CCDC146: variants seen among roughly 807,000 people sequenced by gnomAD.
The protein encoded by CCDC146 is coiled-coil domain containing 146.
A neutral mutation model predicts 119.3 loss-of-function variants in CCDC146; 92 were observed. The ratio of observed to expected loss-of-function variants is 0.77; its 90% CI spans 0.65 to 0.92. CCDC146 has a LOEUF of 0.92. Among genes scored for constraint, CCDC146 ranks in the 40% least tolerant of loss-of-function variants. The probability of loss-of-function intolerance (pLI) is 0.00; values close to 1 mark genes in which losing one functional copy is unlikely to be tolerated. For missense variants in CCDC146, 1,000 were observed against 1,103.0 expected, an observed-to-expected ratio of 0.91 and a Z score of 1.32; for synonymous variants, 372 against 371.8, an observed-to-expected ratio of 1.00 and a Z score of -0.01.
intron 1 of CCDC146, among the ~76,000 whole-genome samples, chr7:77,130,799 G>C (rs892616020): frequency 4.7e-5 from 7 of 149,960 alleles, no homozygotes; most frequent in African/African-American, 1.7e-4. Flanking sequence ...GGGTTTCACC[G>C]TGTTAGCCAG....
At chr7:77,279,281 A>G (rs1793718027) in intron 13 of CCDC146, among the ~76,000 whole-genome samples, 180 bp downstream of exon 13, 1 of 152,144 alleles carries the variant, frequency 6.6e-6, no homozygotes, top group South Asian at 2.1e-4. Context: ...TAATAAAAAT[A>G]AAAAATAAAA....
chr7:77,171,880 T>G (rs1005251495), intron 2 of CCDC146, among the ~76,000 whole-genome samples: 1 of 152,216 alleles, frequency 6.6e-6, no homozygotes, highest in African/African-American at 2.4e-5. Flanking sequence ...TTAAAGAACT[T>G]AGGACAACTT....
intron 2 of CCDC146, among the ~76,000 whole-genome samples, chr7:77,192,028 G>A (rs925546138): frequency 2.6e-5 from 4 of 151,732 alleles, no homozygotes; most frequent in African/African-American, 9.7e-5. Flanking sequence ...CCAGGTTCAA[G>A]CAATTCTCCT....
intron 2 of CCDC146, among the ~76,000 whole-genome samples, chr7:77,219,260 T>C (rs1411477061): frequency 3.3e-5 from 5 of 152,224 alleles, no homozygotes; most frequent in Admixed American, 6.5e-5. Context: ...ATCTATTTTT[T>C]AAACTTAAAA....
chr7:77,136,482 GAATACTATGA>G (rs1370624676), intron 1 of CCDC146, among the ~76,000 whole-genome samples: 9 of 152,040 alleles, frequency 5.9e-5, no homozygotes, highest in African/African-American at 2.2e-4. Context: ...TTTTAAAAAG[GAATACTATGA>G]ACAACTCTGT....
chr7:77,273,227 G>T (rs1298095018), intron 9 of CCDC146, among the ~76,000 whole-genome samples: 2 of 152,160 alleles, frequency 1.3e-5, no homozygotes, highest in Admixed American at 6.5e-5. Flanking sequence ...CTCATGAGGG[G>T]TATTGTAATG....
chr7:77,138,258 T>A (rs972584588), intron 1 of CCDC146, among the ~76,000 whole-genome samples: 1 of 150,746 alleles, frequency 6.6e-6, no homozygotes, highest in Admixed American at 6.6e-5. Context: ...AAAGACAGTA[T>A]TTTCAACAAA....
At chr7:77,211,384 A>T (rs1792178979) in intron 2 of CCDC146, among the ~76,000 whole-genome samples, 1 of 152,088 alleles carries the variant, frequency 6.6e-6, no homozygotes. Flanking sequence ...AGAACCATTG[A>T]TATTATTGCA....
intron 9 of CCDC146, among the ~76,000 whole-genome samples, chr7:77,265,923 C>T (rs1348988331): frequency 6.6e-6 from 1 of 152,182 alleles, no homozygotes; most frequent in East Asian, 1.9e-4. Flanking sequence ...TTAGTCAAAA[C>T]CATCAGAGCT....
chr7:77,217,907 G>A (rs1792330022), intron 2 of CCDC146, among the ~76,000 whole-genome samples: 1 of 152,178 alleles, frequency 6.6e-6, no homozygotes. Flanking sequence ...CCTATATAGG[G>A]CACTTACTGT....
chr7:77,262,500 A>G (rs1279540390), intron 9 of CCDC146, among the ~76,000 whole-genome samples, 193 bp downstream of exon 9: 1 of 152,224 alleles, frequency 6.6e-6, no homozygotes. Flanking sequence ...CATTTTTCTA[A>G]CCCAAGATTA....
At chr7:77,283,964 T>C (rs1010288229) in intron 15 of CCDC146, among the ~76,000 whole-genome samples, 2 of 152,184 alleles carry the variant, frequency 1.3e-5, no homozygotes, top group East Asian at 1.9e-4. Context: ...TTGAGATCGA[T>C]TGGCTAGAAA....
intron 2 of CCDC146, among the ~76,000 whole-genome samples, chr7:77,170,726 CAAAT>C (rs1214049788): frequency 1.3e-5 from 2 of 152,108 alleles, no homozygotes; most frequent in African/African-American, 2.4e-5. Flanking sequence ...AAGCAAAAAA[CAAAT>C]AACCCCATTT....
At position 77,160,409 on chromosome 7, in the gene CCDC146, T is replaced by C. The variant is rs538594653; in HGVS notation, c.-11-7249T>C. ...ATTCTTTCTACCCATGAGCATGGAATGTTCTTCCATTTGTTTGTATCCTCT... is the reference window on the plus strand; with the variant it reads ...ATTCTTTCTACCCATGAGCATGGAACGTTCTTCCATTTGTTTGTATCCTCT... On this transcript the variant is annotated intron_variant, in intron 1 of 18. Coordinates refer to ENST00000285871, the MANE Select transcript of CCDC146 (RefSeq NM_020879.3). Among the ~76,000 whole-genome samples the C allele has an allele frequency of 3.3e-3, 501 of 152,348 alleles. 4 individuals are homozygous for C. The highest frequency in any genetic ancestry group is 0.028 in the South Asian group (137 of 4,826).
chr7:77,278,887 A>T, intron 12 of CCDC146, 47 bp downstream of exon 12: 1 of 1,597,838 alleles, frequency 6.3e-7, no homozygotes. Context: ...AGGGGAAAAA[A>T]ACCTGATGTT....
At chr7:77,215,741 A>G (rs1419649044) in intron 2 of CCDC146, among the ~76,000 whole-genome samples, 1 of 151,542 alleles carries the variant, frequency 6.6e-6, no homozygotes, top group Non-Finnish European at 1.5e-5. Context: ...CACAGTTTAC[A>G]CATAACTGTT....
intron 1 of CCDC146, among the ~76,000 whole-genome samples, chr7:77,167,264 A>T (rs982116681): frequency 2.0e-5 from 3 of 152,188 alleles, no homozygotes; most frequent in African/African-American, 7.2e-5. Context: ...TATAGATTAT[A>T]GAGGTATCAG....
At chr7:77,197,810 T>C (rs1234799621) in intron 2 of CCDC146, among the ~76,000 whole-genome samples, 6 of 152,344 alleles carry the variant, frequency 3.9e-5, no homozygotes, top group Middle Eastern at 3.4e-3. Context: ...ATTTAGCCAC[T>C]ATTTCACATG....
chr7:77,160,752 A>G (rs1791248631), intron 1 of CCDC146, among the ~76,000 whole-genome samples: 1 of 152,148 alleles, frequency 6.6e-6, no homozygotes, highest in Non-Finnish European at 1.5e-5. Flanking sequence ...CTAATTGAAT[A>G]CCCTTTATTT....
Sources: gnomAD v4.1 joint callset for allele counts (sites outside exome capture counted in the v4.1 genomes callset) on GRCh38, gnomAD v4.1.1 for gene constraint, MANE v1.5 for transcripts, NCBI Gene and HGNC (gene_info 2026-07-23, HGNC 2026-07-21) for gene names.